Variants in FAM13C observed in about 807,000 individuals in gnomAD.
FAM13C encodes the protein protein FAM13C.
A neutral mutation model predicts 73.2 loss-of-function variants in FAM13C; 37 were observed. The ratio of observed to expected loss-of-function variants is 0.51; its 90% CI spans 0.39 to 0.67. The LOEUF (loss-of-function observed/expected upper bound fraction) is 0.67. FAM13C is among the 30% of genes least tolerant of loss of function. The pLI is 0.00. For synonymous variants in FAM13C, 246 were observed against 260.9 expected, an observed-to-expected ratio of 0.94 and a Z score of 0.55; for missense variants, 589 against 715.6, an observed-to-expected ratio of 0.82 and a Z score of 2.02.
At chr10:59,316,706 A>G (rs143031776) in intron 4 of FAM13C, among the ~76,000 whole-genome samples, 190 of 152,324 alleles carry the variant, frequency 1.2e-3, no homozygotes, top group African/African-American at 4.3e-3. Context: ...ATCTAAACAT[A>G]CAAAGGTACA....
Position 59,301,613 on chromosome 10 carries a change from C to G in FAM13C, c.507+1188G>C, listed in dbSNP as rs189732555. 2.0e-3 allele frequency among the ~76,000 whole-genome samples: 301 copies of G among 152,298 alleles called. 1 individual carries two copies. The highest frequency in any genetic ancestry group is 6.9e-3 in the African/African-American group (285 of 41,566). On this transcript the variant is annotated intron_variant, in intron 5 of 13. Coordinates refer to ENST00000618804, the MANE Select transcript of FAM13C (RefSeq NM_198215.4). The stretch of plus-strand genomic sequence containing the variant: ...TGACTCTTACAATCACCTCATTTTT[C>G]TAGTCACTTATGTCAAAACAAAGCT...
intron 3 of FAM13C, among the ~76,000 whole-genome samples, chr10:59,325,205 C>A (rs1224735023): frequency 1.3e-5 from 2 of 152,126 alleles, no homozygotes; most frequent in East Asian, 3.9e-4. Context: ...AGAGACCCAG[C>A]TCCTCTATTA....
intron 3 of FAM13C, among the ~76,000 whole-genome samples, chr10:59,335,262 T>C (rs886940684): frequency 6.6e-6 from 1 of 152,162 alleles, no homozygotes; most frequent in African/African-American, 2.4e-5. Flanking sequence ...GATCAGACAA[T>C]ACATTCAGAC....
At chr10:59,300,809 G>A (rs1040898788) in intron 5 of FAM13C, 1 of 152,192 alleles carries the variant, frequency 6.6e-6, no homozygotes, top group Admixed American at 6.5e-5. Context: ...GGAGAGTAGC[G>A]ACTGGAAGGA....
intron 4 of FAM13C, among the ~76,000 whole-genome samples, chr10:59,304,207 G>T (rs540556693): frequency 6.6e-6 from 1 of 152,206 alleles, no homozygotes; most frequent in Admixed American, 6.5e-5. Context: ...AGGTTGCTTG[G>T]TTTTTTTCTT....
chr10:59,346,643 G>C, intron 3 of FAM13C, among the ~76,000 whole-genome samples: 1 of 152,162 alleles, frequency 6.6e-6, no homozygotes, highest in East Asian at 1.9e-4. Context: ...GGGATGACAA[G>C]ACTGCCTCTA....
At chr10:59,303,021 T>G (rs1466189766) in intron 4 of FAM13C, among the ~76,000 whole-genome samples, 157 bp from the exon 5 acceptor site, 3 of 152,168 alleles carry the variant, frequency 2.0e-5, no homozygotes, top group African/African-American at 7.2e-5. Context: ...TACAATGGCC[T>G]GCAGCACATT....
chr10:59,295,631 C>T (rs1012539441), intron 5 of FAM13C, among the ~76,000 whole-genome samples: 7 of 152,148 alleles, frequency 4.6e-5, no homozygotes, highest in Admixed American at 2.6e-4. Flanking sequence ...CAGTTGAGTC[C>T]ACCCACATTT....
intron 7 of FAM13C, 144 bp downstream of exon 7, chr10:59,269,755 A>C: frequency 1.0e-6 from 1 of 958,920 alleles, no homozygotes; most frequent in Non-Finnish European, 1.6e-6. Context: ...CAAGTACACT[A>C]ATTTTTGTCA....
chr10:59,267,494 C>A (rs28542641), intron 8 of FAM13C, among the ~76,000 whole-genome samples: 1 of 152,110 alleles, frequency 6.6e-6, no homozygotes, highest in African/African-American at 2.4e-5. Flanking sequence ...GACTGCCTGA[C>A]TTTGGGGAAG....
intron 5 of FAM13C, among the ~76,000 whole-genome samples, chr10:59,301,986 G>A (rs1216842264): frequency 6.6e-6 from 1 of 151,306 alleles, no homozygotes; most frequent in African/African-American, 2.4e-5. Flanking sequence ...AGGAAGAGGA[G>A]GAAGGGATGC....
chr10:59,269,937 C>T lies in FAM13C; in HGVS notation c.765G>A (p.Glu255=). The T allele has an allele frequency of 1.2e-6, 2 of 1,613,950 alleles. No individual in the cohort carries two copies. Among genetic ancestry groups the T allele is most frequent in the Non-Finnish European group, 1.7e-6 (2 of 1,179,894 alleles). ...GAGTGCTGGGTGGAGATGGGGCTGA[C>T]TCGGGGTCTAAGTTGAATCTCTGGC... The part of the protein sequence containing the change: ...SQSQRFNLDP[E]SAPSPPSTQQ... The change falls in exon 7 of 14, where the codon GAG becomes GAA. Residue 255 remains glutamate, a synonymous_variant. Transcript: ENST00000618804.
chr10:59,281,647 C>G (rs1172072699), intron 6 of FAM13C, among the ~76,000 whole-genome samples: 1 of 152,200 alleles, frequency 6.6e-6, no homozygotes. Flanking sequence ...TCCGTGTGAG[C>G]AATCCCTACA....
chr10:59,341,419 G>A (rs543601608), intron 3 of FAM13C, among the ~76,000 whole-genome samples: 1 of 152,300 alleles, frequency 6.6e-6, no homozygotes, highest in South Asian at 2.1e-4. Flanking sequence ...CAGGCGCAGT[G>A]GCTCACGCCT....
chr10:59,326,684 G>T (rs388516), intron 3 of FAM13C, among the ~76,000 whole-genome samples: 69,182 of 151,878 alleles, frequency 0.46, 17,063 homozygotes, highest in African/African-American at 0.66. Flanking sequence ...CCTTATGGAA[G>T]GATCACCTAT....
chr10:59,284,031 A>ATGTGTGTGTGTGTGTGTG (rs6143934), intron 5 of FAM13C, among the ~76,000 whole-genome samples: 9 of 149,014 alleles, frequency 6.0e-5, no homozygotes, highest in African/African-American at 2.0e-4. Context: ...ATGCTGGGGT[A>ATGTGTGTGTGTGTGTGTG]TGTGTGTGTG....
chr10:59,314,267 A>C (rs902090017), intron 4 of FAM13C, among the ~76,000 whole-genome samples: 1 of 152,220 alleles, frequency 6.6e-6, no homozygotes, highest in Non-Finnish European at 1.5e-5. Context: ...CTCCTCTCTT[A>C]TGGAATAGCA....
chr10:59,249,263 G>A (rs560475161), intron 13 of FAM13C, among the ~76,000 whole-genome samples: 85 of 152,004 alleles, frequency 5.6e-4, no homozygotes, highest in African/African-American at 1.9e-3. Flanking sequence ...ACTTAGCCAC[G>A]CGTGGTGGCG....
chr10:59,285,117 C>A (rs1181080650), intron 5 of FAM13C, among the ~76,000 whole-genome samples: 2 of 152,136 alleles, frequency 1.3e-5, no homozygotes, highest in Non-Finnish European at 2.9e-5. Flanking sequence ...GGTGCCTAGG[C>A]AGGCTCAGGA....
Sources: allele counts gnomAD v4.1 joint callset (sites outside exome capture counted in the v4.1 genomes callset), GRCh38; gene constraint gnomAD v4.1.1; transcripts MANE v1.5; gene names NCBI Gene and HGNC (gene_info 2026-07-23, HGNC 2026-07-21).